Variants in RTN1 observed in about 807,000 individuals in gnomAD.
The protein encoded by RTN1 is reticulon-1.
A neutral mutation model predicts 65.5 loss-of-function variants in RTN1; 25 were observed. The ratio of observed to expected loss-of-function variants is 0.38; its 90% CI spans 0.28 to 0.53. The LOEUF is 0.53. Among genes scored for constraint, RTN1 ranks in the 20% least tolerant of loss-of-function variants. The pLI, the probability that RTN1 is intolerant of heterozygous loss-of-function variation, is 0.79. For synonymous variants in RTN1, 471 were observed against 447.6 expected, an observed-to-expected ratio of 1.05 and a Z score of -0.66; for missense variants, 983 against 1,025.4, an observed-to-expected ratio of 0.96 and a Z score of 0.57.
At chr14:59,671,280 C>A (rs1038642765) in intron 3 of RTN1, among the ~76,000 whole-genome samples, 3 of 152,122 alleles carry the variant, frequency 2.0e-5, no homozygotes, top group Non-Finnish European at 4.4e-5. Context: ...GAAAAGGATT[C>A]TTTCTTCTTA....
intron 3 of RTN1, among the ~76,000 whole-genome samples, chr14:59,609,070 A>G (rs1881858670): frequency 6.6e-6 from 1 of 152,020 alleles, no homozygotes; most frequent in Admixed American, 6.6e-5. Context: ...GGATCATCTG[A>G]GGTCAGGAGT....
chr14:59,687,964 C>T (rs1031692758), intron 3 of RTN1, among the ~76,000 whole-genome samples: 1 of 152,154 alleles, frequency 6.6e-6, no homozygotes, highest in Non-Finnish European at 1.5e-5. Flanking sequence ...CTGAACCACC[C>T]CACCATTCCT....
In RTN1 at chr14:59,727,082, G is replaced by A. The variant is rs752200261; in HGVS notation, c.1602C>T (p.Pro534=). The change falls in exon 3 of 9, where the codon CCC becomes CCT. Residue 534 remains proline (P), a synonymous_variant. Coordinates refer to ENST00000267484, the MANE Select transcript of RTN1 (RefSeq NM_021136.3). This position sits in a 1 kb window ranked among gnomAD's most constrained non-coding sequence, Gnocchi z 4.2. ...GGGCTCCGTCTCCAGGGGGCAGCTC[G>A]GGGCCAGGCTGGGGCTCAGTTGAGG... ...DYPSTEPQPG[P]ELPPGDGALE... 1.2e-6 allele frequency: 2 copies of A among 1,611,866 alleles called. No homozygotes were observed. The highest frequency in any genetic ancestry group is 1.7e-6 in the Non-Finnish European group (2 of 1,179,022).
intron 1 of RTN1, among the ~76,000 whole-genome samples, chr14:59,755,915 C>T (rs1885628071): frequency 6.6e-6 from 1 of 152,208 alleles, no homozygotes; most frequent in South Asian, 2.1e-4. Context: ...CCCCAACTCA[C>T]TGCCTTATTT....
Position 59,836,531 on chromosome 14 carries a change from T to C in RTN1, c.241+33859A>G, listed in dbSNP as rs1887215902. ...TCATCTATGGATGGGCTAAAATTTG[T>C]TGCTATTAGAAAAAATTGATGAAAC... is the stretch of plus-strand genomic sequence containing the variant. On this transcript the variant is annotated intron_variant, in intron 1 of 8. Transcript: ENST00000267484. This position sits in a 1 kb window ranked among gnomAD's most constrained non-coding sequence, Gnocchi z 4.9. Among the ~76,000 whole-genome samples, 1 of 152,228 alleles carries C rather than the reference T, an allele frequency of 6.6e-6. No individual in the cohort carries two copies. Among genetic ancestry groups the C allele is most frequent in the African/African-American group, 2.4e-5 (1 of 41,456 alleles).
chr14:59,744,740 A>G (rs1272540887), intron 2 of RTN1, among the ~76,000 whole-genome samples: 1 of 152,184 alleles, frequency 6.6e-6, no homozygotes, highest in Non-Finnish European at 1.5e-5. Context: ...AAGATCCAGA[A>G]GTCCACCTTT....
chr14:59,751,163 T>A (rs1490150463), intron 1 of RTN1, among the ~76,000 whole-genome samples: 5 of 147,556 alleles, frequency 3.4e-5, no homozygotes, highest in African/African-American at 1.2e-4. Context: ...TTGAAATCTA[T>A]ACATCTCAGC....
Position 59,605,413 on chromosome 14 carries a change from T to C in RTN1, c.2067A>G (p.Glu689=), listed in dbSNP as rs1246901281. 1 of 1,614,150 alleles carries C rather than the reference T, an allele frequency of 6.2e-7. No individual in the cohort carries two copies. The highest frequency in any genetic ancestry group is 2.2e-5 in the East Asian group (1 of 44,886). ...CCTGGACAAGGAAGAGCCTCCTCAG[T>C]TCCTTAAGTGTGCTGTTCACGTAGA... ...LQFYVNSTLK[E]LRRLFLVQDL... The change falls in exon 5 of 9, where the codon GAA becomes GAG. Residue 689 remains glutamate, a synonymous_variant. Transcript: ENST00000267484.
chr14:59,673,228 G>A (rs975984352), intron 3 of RTN1, among the ~76,000 whole-genome samples: 2 of 152,200 alleles, frequency 1.3e-5, no homozygotes, highest in Non-Finnish European at 2.9e-5. Context: ...CCCAAGGTCT[G>A]AGCCCCCAAG....
At chr14:59,741,124 T>C (rs1396297178) in intron 2 of RTN1, among the ~76,000 whole-genome samples, 15 of 152,304 alleles carry the variant, frequency 9.8e-5, no homozygotes, top group Admixed American at 2.6e-4. Flanking sequence ...GAAGGATCAA[T>C]TGAAAACCCA....
At position 59,747,559 on chromosome 14, in the gene RTN1, T is replaced by C. The variant is rs369972035; in HGVS notation, c.242-1078A>G. Among the ~76,000 whole-genome samples, 39 of 152,200 alleles carry C rather than the reference T, an allele frequency of 2.6e-4. No homozygotes were observed. In the East Asian group the frequency reaches 4.2e-3, roughly 17 times the overall value. On this transcript the variant is annotated intron_variant, in intron 1 of 8. Coordinates refer to ENST00000267484, the MANE Select transcript of RTN1 (RefSeq NM_021136.3). Reference sequence around the variant, plus strand: ...AGGAGGAGGTTGCGGTAAGCTGAGATTGCGCCATTGCACTCCAGCCTGGGC... The same window carrying C: ...AGGAGGAGGTTGCGGTAAGCTGAGACTGCGCCATTGCACTCCAGCCTGGGC...
At chr14:59,740,987 T>C (rs981359464) in intron 2 of RTN1, among the ~76,000 whole-genome samples, 3 of 152,170 alleles carry the variant, frequency 2.0e-5, no homozygotes, top group South Asian at 2.1e-4. Flanking sequence ...GATGATATAA[T>C]TGAGAGGAAT....
At chr14:59,602,971 T>C (rs1443993717) in intron 8 of RTN1, 94 bp downstream of exon 8, 13 of 862,206 alleles carry the variant, frequency 1.5e-5, no homozygotes, top group Non-Finnish European at 2.0e-5. Flanking sequence ...AATCAATCTA[T>C]CATTTTACTA....
chr14:59,657,522 C>T (rs984193064), intron 3 of RTN1, among the ~76,000 whole-genome samples: 5 of 152,220 alleles, frequency 3.3e-5, no homozygotes, highest in African/African-American at 1.2e-4. Flanking sequence ...TGGGTGATTT[C>T]TGCATTTCCA....
chr14:59,859,148 G>T (rs1474872027), intron 1 of RTN1, among the ~76,000 whole-genome samples: 1 of 152,140 alleles, frequency 6.6e-6, no homozygotes, highest in Non-Finnish European at 1.5e-5. Context: ...TTTATTTTTT[G>T]AGAAATATGG....
chr14:59,654,769 C>T (rs1374163242), intron 3 of RTN1, among the ~76,000 whole-genome samples: 1 of 151,962 alleles, frequency 6.6e-6, no homozygotes, highest in Admixed American at 6.6e-5. Flanking sequence ...AAAACGACAA[C>T]AAGAACAACA....
intron 3 of RTN1, among the ~76,000 whole-genome samples, chr14:59,621,848 G>T (rs1220102946): frequency 6.6e-6 from 1 of 152,176 alleles, no homozygotes; most frequent in Non-Finnish European, 1.5e-5. Flanking sequence ...GACAAGTAGT[G>T]CAGCTATTTA....
chr14:59,778,922 G>A lies in RTN1; in HGVS notation c.242-32441C>T, dbSNP rs1443747976. Among the ~76,000 whole-genome samples, 3 of 152,082 alleles carry A rather than the reference G, an allele frequency of 2.0e-5. No individual in the cohort carries two copies. The South Asian group carries it at 6.2e-4, about 32-fold the overall frequency. On this transcript the variant is annotated intron_variant, in intron 1 of 8. Transcript: ENST00000267484. The stretch of plus-strand genomic sequence containing the variant: ...ACCTCATCTGCAATATAAGAACTTC[G>A]GATATCATGCTATAGCAATGGGGAG...
chr14:59,857,074 T>C (rs139690815), intron 1 of RTN1, among the ~76,000 whole-genome samples: 7 of 152,314 alleles, frequency 4.6e-5, no homozygotes, highest in Non-Finnish European at 1.0e-4. Context: ...ATCTTGGCTT[T>C]TGTGATACTA....
Sources: gnomAD v4.1 joint callset for allele counts (sites outside exome capture counted in the v4.1 genomes callset) on GRCh38, gnomAD v4.1.1 for gene constraint, Gnocchi (gnomAD v3.1) non-coding constraint, MANE v1.5 for transcripts, NCBI Gene and HGNC (gene_info 2026-07-23, HGNC 2026-07-21) for gene names.